The following ELAPOR2 variants were observed in gnomAD, a reference collection of about 807,000 sequenced individuals.
The protein encoded by ELAPOR2 is endosome-lysosome associated apoptosis and autophagy regulator family member 2, also known as endosome/lysosome-associated apoptosis and autophagy regulator family member 2.
ELAPOR2 carries 89 observed loss-of-function variants against 120.7 expected under a neutral mutation model. That is an observed-to-expected ratio of 0.74 (90% CI 0.62 to 0.88). ELAPOR2 has a LOEUF of 0.88. Ranked by LOEUF, ELAPOR2 falls within the 40% of genes least tolerant of loss-of-function variation. The probability of loss-of-function intolerance (pLI) is 0.00; values close to 1 mark genes in which losing one functional copy is unlikely to be tolerated. For missense variants in ELAPOR2, 1,134 were observed against 1,251.6 expected, an observed-to-expected ratio of 0.91 and a Z score of 1.42; for synonymous variants, 444 against 444.9, an observed-to-expected ratio of 1.00 and a Z score of 0.03.
intron 18 of ELAPOR2, among the ~76,000 whole-genome samples, chr7:86,900,966 T>C (rs1056578266): frequency 3.3e-5 from 5 of 152,200 alleles, no homozygotes; most frequent in Non-Finnish European, 7.3e-5. Flanking sequence ...TGTCCTATCA[T>C]CATCTCCAGC....
chr7:86,952,505 A>G (rs1791300542), intron 2 of ELAPOR2, among the ~76,000 whole-genome samples: 1 of 152,224 alleles, frequency 6.6e-6, no homozygotes, highest in South Asian at 2.1e-4. Context: ...ATCATCATAC[A>G]TCACATCATT....
chr7:86,958,546 C>T (rs778187930), intron 2 of ELAPOR2, among the ~76,000 whole-genome samples: 1 of 152,160 alleles, frequency 6.6e-6, no homozygotes, highest in African/African-American at 2.4e-5. Context: ...AGAGAGCAGC[C>T]GGCCGATTGA....
At chr7:87,041,583 G>C (rs372013281) in intron 1 of ELAPOR2, among the ~76,000 whole-genome samples, 1 of 151,674 alleles carries the variant, frequency 6.6e-6, no homozygotes, top group East Asian at 1.9e-4. Flanking sequence ...TAACCACCAG[G>C]CCTGCCCTAA....
intron 8 of ELAPOR2, 106 bp from the exon 9 acceptor site, chr7:86,927,022 A>G: frequency 9.8e-7 from 1 of 1,024,550 alleles, no homozygotes; most frequent in Non-Finnish European, 1.3e-6. Context: ...ACAGAATAGA[A>G]GGGCCAGCTG....
chr7:87,007,731 C>T (rs1793528974), intron 1 of ELAPOR2, among the ~76,000 whole-genome samples: 1 of 152,066 alleles, frequency 6.6e-6, no homozygotes, highest in Admixed American at 6.6e-5. Context: ...AAGAAGTGCT[C>T]AAAGAATGAA....
Position 86,908,294 on chromosome 7 carries a change from C to T in ELAPOR2, c.2456+153G>A, listed in dbSNP as rs372305904. Among the ~76,000 whole-genome samples, 15 of 151,914 alleles carry T rather than the reference C, an allele frequency of 9.9e-5. No individual in the cohort carries two copies. In the South Asian group the frequency reaches 3.1e-3, roughly 31 times the overall value. ...AAGTATAAGCTACATTCTAGGAATGCTCAGGTGACATAGTTGATCTTCTCT... is the reference window on the plus strand; with the variant it reads ...AAGTATAAGCTACATTCTAGGAATGTTCAGGTGACATAGTTGATCTTCTCT... On this transcript the variant is annotated intron_variant, in intron 17 of 21. Transcript: ENST00000450689.
intron 2 of ELAPOR2, among the ~76,000 whole-genome samples, chr7:86,949,925 C>T (rs1189704336): frequency 1.3e-5 from 2 of 152,240 alleles, no homozygotes; most frequent in South Asian, 2.1e-4. Flanking sequence ...CCACAAAGCC[C>T]CACCTTCAAG....
chr7:87,042,580 A>G (rs959506180), intron 1 of ELAPOR2, among the ~76,000 whole-genome samples: 3 of 152,140 alleles, frequency 2.0e-5, no homozygotes, highest in Admixed American at 2.0e-4. Context: ...AAGACACAAC[A>G]TACCAGAATC....
At chr7:87,035,776 TCC>T (rs1794566782) in intron 1 of ELAPOR2, among the ~76,000 whole-genome samples, 1 of 152,056 alleles carries the variant, frequency 6.6e-6, no homozygotes, top group Non-Finnish European at 1.5e-5. Context: ...AGTAAAATTT[TCC>T]CATTCTATGC....
chr7:86,980,751 T>A (rs764638023), intron 1 of ELAPOR2, among the ~76,000 whole-genome samples: 2 of 152,128 alleles, frequency 1.3e-5, no homozygotes, highest in Non-Finnish European at 2.9e-5. Context: ...CCTCCTCTCC[T>A]TAAACGTGTT....
intron 12 of ELAPOR2, among the ~76,000 whole-genome samples, chr7:86,916,790 T>C (rs1181847734): frequency 6.6e-6 from 1 of 152,012 alleles, no homozygotes; most frequent in East Asian, 1.9e-4. Context: ...GCTTTGTTGT[T>C]CAAGCCTCTA....
At chr7:86,989,562 T>G (rs974053551) in intron 1 of ELAPOR2, among the ~76,000 whole-genome samples, 1 of 152,242 alleles carries the variant, frequency 6.6e-6, no homozygotes, top group African/African-American at 2.4e-5. Context: ...CTACCACTTA[T>G]GCAGAGTGGC....
At chr7:86,890,920 C>A (rs1418319559) in intron 21 of ELAPOR2, among the ~76,000 whole-genome samples, 1 of 151,682 alleles carries the variant, frequency 6.6e-6, no homozygotes, top group Non-Finnish European at 1.5e-5. Context: ...TCTTGTCTAT[C>A]CTGTTATAAA....
intron 1 of ELAPOR2, among the ~76,000 whole-genome samples, chr7:87,016,042 T>C (rs902868714): frequency 1.3e-5 from 2 of 152,124 alleles, no homozygotes; most frequent in African/African-American, 4.8e-5. Context: ...TTGTGTCCTT[T>C]TCTGTGCTTA....
At chr7:87,027,443 G>T (rs1334450773) in intron 1 of ELAPOR2, among the ~76,000 whole-genome samples, 1 of 152,132 alleles carries the variant, frequency 6.6e-6, no homozygotes, top group African/African-American at 2.4e-5. Context: ...TCAGAAATAA[G>T]CCTATGGGAA....
At chr7:86,964,438 T>C (rs1791831589) in intron 2 of ELAPOR2, among the ~76,000 whole-genome samples, 1 of 152,212 alleles carries the variant, frequency 6.6e-6, no homozygotes, top group South Asian at 2.1e-4. Context: ...AAGTTATTTC[T>C]ATGGCTAAAA....
At chr7:86,933,305 A>C (rs903517499) in intron 8 of ELAPOR2, among the ~76,000 whole-genome samples, 5 of 151,948 alleles carry the variant, frequency 3.3e-5, no homozygotes, top group African/African-American at 1.2e-4. Flanking sequence ...TGCTAACATT[A>C]AAACACATCT....
At position 87,038,915 on chromosome 7, in the gene ELAPOR2, TAGA is replaced by T. The variant is rs200534367; in HGVS notation, c.189+20407_189+20409del. Among the ~76,000 whole-genome samples the T allele has an allele frequency of 8.2e-3, 1,239 of 151,396 alleles. 17 individuals are homozygous for T. The highest frequency in any genetic ancestry group is 0.029 in the African/African-American group (1,191 of 41,292). ...AAGAGCAAACCAAACCCAAAATTAA[TAGA>T]AAATAATAAAAATCACAGAAATAAA... On this transcript the variant is annotated intron_variant, in intron 1 of 21. Transcript: ENST00000450689.
At position 86,986,348 on chromosome 7, in the gene ELAPOR2, G is replaced by C. The variant is rs958967488; in HGVS notation, c.190-21324C>G. The stretch of plus-strand genomic sequence containing the variant: ...GGAGGCTGAGGCAGGAGAATGGCGT[G>C]AACCCGGGAGGCGGAGCTTGCAGTG... On this transcript the variant is annotated intron_variant, in intron 1 of 21. Transcript: ENST00000450689. Among the ~76,000 whole-genome samples, 3 of 112,402 alleles carry C rather than the reference G, an allele frequency of 2.7e-5. 1 individual carries two copies. The highest frequency in any genetic ancestry group is 5.4e-5 in the Non-Finnish European group (3 of 55,950). The allele number at this position is 112,402 out of a possible 152,430, so 73.7% of individuals were successfully genotyped here.
Sources: gnomAD v4.1 joint callset for allele counts (sites outside exome capture counted in the v4.1 genomes callset) on GRCh38, gnomAD v4.1.1 for gene constraint, MANE v1.5 for transcripts, NCBI Gene and HGNC (gene_info 2026-07-23, HGNC 2026-07-21) for gene names.